The following SPECC1 variants were observed in gnomAD, a reference collection of about 807,000 sequenced individuals.
The protein encoded by SPECC1 is sperm antigen with calponin homology and coiled-coil domains 1, also known as cytospin-B.
In SPECC1, 62 loss-of-function variants were observed where a neutral mutation model predicts 104.1. The ratio of observed to expected loss-of-function variants is 0.60; its 90% confidence interval spans 0.49 to 0.74. The LOEUF (loss-of-function observed/expected upper bound fraction) is 0.74, where lower values mean the gene tolerates loss of function less well. Among genes scored for constraint, SPECC1 ranks in the 30% least tolerant of loss-of-function variants. The pLI is 0.00. For synonymous variants in SPECC1, 513 were observed against 501.6 expected (o/e 1.02, Z -0.30); for missense variants, 1,306 against 1,310.5 (o/e 1.00, Z 0.05).
chr17:20,261,501 CAAAAAAAAAAA>C (rs75833770), intron 12 of SPECC1, among the ~76,000 whole-genome samples: 14 of 54,782 alleles, frequency 2.6e-4, no homozygotes, highest in African/African-American at 7.3e-4. Flanking sequence ...GACTCCGTCT[CAAAAAAAAAAA>C]AAAAAAAAAA....
intron 1 of SPECC1, among the ~76,000 whole-genome samples, chr17:20,055,027 C>A (rs2045908759): frequency 6.6e-6 from 1 of 152,186 alleles, no homozygotes; most frequent in Admixed American, 6.5e-5. Context: ...TACAGCTGAT[C>A]TTGAGAGCTT....
intron 1 of SPECC1, among the ~76,000 whole-genome samples, chr17:20,071,610 A>G (rs1034014673): frequency 2.6e-5 from 4 of 152,206 alleles, no homozygotes; most frequent in Admixed American, 2.6e-4. Context: ...TATGCTTTTC[A>G]TCCAGTCTTC....
intron 4 of SPECC1, among the ~76,000 whole-genome samples, chr17:20,223,271 A>G (rs2038003288): frequency 6.6e-6 from 1 of 152,158 alleles, no homozygotes; most frequent in Non-Finnish European, 1.5e-5. Context: ...CCTGTCTTCA[A>G]GCTCACTAAT....
At chr17:20,165,079 A>G (rs970405678) in intron 3 of SPECC1, among the ~76,000 whole-genome samples, 8 of 152,158 alleles carry the variant, frequency 5.3e-5, no homozygotes, top group African/African-American at 1.9e-4. Flanking sequence ...CACGTGCATG[A>G]CATGCAGGTT....
chr17:20,280,825 A>G (rs979411223), intron 12 of SPECC1, among the ~76,000 whole-genome samples: 12 of 152,328 alleles, frequency 7.9e-5, no homozygotes, highest in East Asian at 1.9e-4. Flanking sequence ...GTGGTTTGCA[A>G]TCCCTACTTT....
intron 3 of SPECC1, among the ~76,000 whole-genome samples, chr17:20,167,012 G>T (rs144655976): frequency 1.3e-5 from 2 of 151,786 alleles, no homozygotes; most frequent in African/African-American, 4.8e-5. Context: ...TCAGGAGGCT[G>T]GGGCAGAAAA....
chr17:20,078,729 TTGTA>T (rs1797449591), intron 1 of SPECC1, among the ~76,000 whole-genome samples: 2 of 152,134 alleles, frequency 1.3e-5, no homozygotes, highest in African/African-American at 2.4e-5. Flanking sequence ...ATGTTAAAAA[TTGTA>T]TGTTAAAAAT....
At position 20,009,964 on chromosome 17, in the gene SPECC1, G is replaced by A. The variant is rs2152424024; in HGVS notation, c.-22+540G>A. 1 of 152,494 alleles carries A rather than the reference G, an allele frequency of 6.6e-6. No individual in the cohort carries two copies. The highest frequency in any genetic ancestry group is 1.9e-4 in the East Asian group (1 of 5,160). 9.4% of individuals were successfully genotyped at this position (152,494 alleles called of 1,614,324 possible). A position where few individuals can be genotyped will look rare whatever the true frequency, so the allele number is the denominator to read the frequency against. ...CCGCCCCTTCCTGGCCGGGGTGACA[G>A]GGGAAGGGCTAGGGCTGCGCATCCC... is the stretch of plus-strand genomic sequence containing the variant. On this transcript the variant is annotated intron_variant, in intron 1 of 14. Coordinates refer to ENST00000395527, the MANE Select transcript of SPECC1 (RefSeq NM_001243439.2). This position sits in a 1 kb window ranked among gnomAD's most constrained non-coding sequence, Gnocchi z 5.2.
At chr17:20,245,850 C>G (rs2039399147) in intron 7 of SPECC1, 76 bp from the exon 8 acceptor site, 1 of 1,534,206 alleles carries the variant, frequency 6.5e-7, no homozygotes, top group African/African-American at 1.4e-5. Context: ...CACATCAGTT[C>G]TGTTTTCCTC....
Position 20,312,764 on chromosome 17 carries a change from G to A in SPECC1, c.3118-1212G>A, listed in dbSNP as rs1018717078. Among the ~76,000 whole-genome samples, 13 of 152,114 alleles carry A rather than the reference G, an allele frequency of 8.5e-5. 1 individual carries two copies. Among genetic ancestry groups the A allele is most frequent in the Admixed American group, 3.3e-4 (5 of 15,268 alleles). On this transcript the variant is annotated intron_variant, in intron 14 of 14. Coordinates refer to ENST00000395527, the MANE Select transcript of SPECC1 (RefSeq NM_001243439.2). ...AAAATTGTTCTAGGTGTACCTGCAC[G>A]GAATGTTCTACCAACTCTTCTTCCA...
rs866810946 is a variant in SPECC1, at chr17:20,124,277, A to C, written c.283+13715A>C. 2.6e-5 allele frequency among the ~76,000 whole-genome samples: 4 copies of C among 152,310 alleles called. 1 individual carries two copies. The South Asian group carries it at 8.3e-4, about 32-fold the overall frequency. ...ACGGGGGGAAGCAACAGTCATAGGT[A>C]TGAGGTACAGCGAGACCTTCAGTTT... On this transcript the variant is annotated intron_variant, in intron 3 of 14. Coordinates refer to ENST00000395527, the MANE Select transcript of SPECC1 (RefSeq NM_001243439.2).
intron 3 of SPECC1, among the ~76,000 whole-genome samples, chr17:20,186,805 A>G (rs1023638148): frequency 1.3e-5 from 2 of 152,068 alleles, no homozygotes; most frequent in Admixed American, 6.5e-5. Context: ...GGGCTCAAGC[A>G]GTGCTCCTGC....
chr17:20,100,838 C>G (rs949407954), intron 2 of SPECC1, among the ~76,000 whole-genome samples: 1 of 152,036 alleles, frequency 6.6e-6, no homozygotes, highest in South Asian at 2.1e-4. Flanking sequence ...CCAACAGACC[C>G]GGGTGTGTGA....
At chr17:20,239,950 G>A (rs1196059779) in intron 7 of SPECC1, among the ~76,000 whole-genome samples, 3 of 126,390 alleles carry the variant, frequency 2.4e-5, no homozygotes, top group African/African-American at 9.0e-5. Flanking sequence ...CTGGAGTGCA[G>A]TGGTACAGTC....
At chr17:20,313,481 A>G (rs1355919006) in intron 14 of SPECC1, among the ~76,000 whole-genome samples, 1 of 152,234 alleles carries the variant, frequency 6.6e-6, no homozygotes, top group Non-Finnish European at 1.5e-5. Flanking sequence ...TGTGGACAGC[A>G]GTTTCCCTGG....
intron 1 of SPECC1, among the ~76,000 whole-genome samples, chr17:20,046,528 G>A (rs572962659): frequency 5.9e-5 from 9 of 152,138 alleles, no homozygotes; most frequent in South Asian, 2.1e-4. Context: ...ATGTACTAGA[G>A]GGGGTGGCAA....
chr17:20,133,385 A>AT (rs910932173), intron 3 of SPECC1, among the ~76,000 whole-genome samples: 5 of 151,684 alleles, frequency 3.3e-5, no homozygotes, highest in East Asian at 1.9e-4. Flanking sequence ...GTAAAATGTG[A>AT]TTTTTTTCCC....
chr17:20,082,670 C>T (rs2047019210), intron 1 of SPECC1, among the ~76,000 whole-genome samples: 1 of 152,032 alleles, frequency 6.6e-6, no homozygotes, highest in Non-Finnish European at 1.5e-5. Context: ...GTGCCTGTGT[C>T]CTAATCTTTT....
intron 3 of SPECC1, among the ~76,000 whole-genome samples, chr17:20,153,422 C>T (rs1261122813): frequency 2.6e-5 from 4 of 152,130 alleles, no homozygotes; most frequent in African/African-American, 4.8e-5. Flanking sequence ...AGAGGCATGG[C>T]GCAGTCAGAT....
Sources: allele counts gnomAD v4.1 joint callset (sites outside exome capture counted in the v4.1 genomes callset), GRCh38; gene constraint gnomAD v4.1.1; non-coding constraint Gnocchi (gnomAD v3.1); transcripts MANE v1.5; gene names NCBI Gene and HGNC (gene_info 2026-07-23, HGNC 2026-07-21).